Variants in TUBA1B observed in about 807,000 individuals in gnomAD.
The protein encoded by TUBA1B is tubulin alpha-1B chain.
In TUBA1B, 1 loss-of-function variant was observed where a neutral mutation model predicts 34.4. The observed-to-expected ratio is 0.03, with a 90% CI of 0.01 to 0.14. TUBA1B has a LOEUF of 0.14. Among genes scored for constraint, TUBA1B ranks in the 10% least tolerant of loss-of-function variants. The probability of loss-of-function intolerance (pLI) is 1.00; values close to 1 mark genes in which losing one functional copy is unlikely to be tolerated. For missense variants in TUBA1B, 54 were observed against 583.6 expected (o/e 0.09, Z 9.35); for synonymous variants, 197 against 212.5 (o/e 0.93, Z 0.64).
At position 49,127,952 on chromosome 12, in the gene TUBA1B, G is replaced by A. The variant is rs763468080; in HGVS notation, c.*6C>T. On this transcript the variant is annotated 3_prime_UTR_variant, in exon 4 of 4. Transcript: ENST00000336023. The stretch of plus-strand genomic sequence containing the variant: ...GACATGCTGCAGGGCCAAAAGGAAT[G>A]GATAATTAGTATTCCTCTCCTTCTT... The A allele has an allele frequency of 6.2e-7, 1 of 1,614,006 alleles. No individual in the cohort carries two copies. Among genetic ancestry groups the A allele is most frequent in the Non-Finnish European group, 8.5e-7 (1 of 1,179,912 alleles).
chr12:49,130,944 C>G (rs966490671), intron 1 of TUBA1B: 13 of 216,736 alleles, frequency 6.0e-5, no homozygotes, highest in African/African-American at 2.7e-4. Context: ...CGCGTCCACC[C>G]AAGGCGGAGT....
rs144687571 is a variant in TUBA1B, at chr12:49,129,060, C to G, written c.376-122G>C. ...ATGTAAGCACAAGGAATTGGCAAAA[C>G]AGACATATCCACAAACTGTCCATAA... On this transcript the variant is annotated intron_variant, in intron 3 of 3. Coordinates refer to ENST00000336023, the MANE Select transcript of TUBA1B (RefSeq NM_006082.3). 750 of 1,514,380 alleles carry G rather than the reference C, an allele frequency of 5.0e-4. 1 individual carries two copies. In the African/African-American group the frequency reaches 9.1e-3, roughly 18 times the overall value. The allele number at this position is 1,514,380 out of a possible 1,614,324, so 93.8% of individuals were successfully genotyped here. A position where few individuals can be genotyped will look rare whatever the true frequency, so the allele number is the denominator to read the frequency against.
chr12:49,129,380 G>A lies in TUBA1B; in HGVS notation c.237C>T (p.Arg79=). The part of the protein sequence containing the change: ...DLEPTVIDEV[R]TGTYRQLFHP... ...GGAAGAGCTGGCGGTAGGTGCCAGT[G>A]CGAACTTCATCTGGAGGAGGGAGAG... Residue 79 remains arginine (R), a synonymous_variant, in exon 3 of 4, where the codon CGC becomes CGT. Transcript: ENST00000336023. 16 of 1,614,230 alleles carry A rather than the reference G, an allele frequency of 9.9e-6. No individual in the cohort carries two copies. The highest frequency in any genetic ancestry group is 1.4e-5 in the Non-Finnish European group (16 of 1,180,040).
chr12:49,130,398 C>G (rs1294409778), intron 1 of TUBA1B: 1 of 1,280,230 alleles, frequency 7.8e-7, no homozygotes, highest in Admixed American at 2.3e-5. Flanking sequence ...CGCCCCCCGG[C>G]GGTGCTGCAG....
Position 49,129,092 on chromosome 12 carries a change from G to A in TUBA1B, c.375+150C>T, listed in dbSNP as rs1282208840. 24 of 1,547,006 alleles carry A rather than the reference G, an allele frequency of 1.6e-5. No individual in the cohort carries two copies. In the East Asian group the frequency reaches 3.2e-4, roughly 21 times the overall value. ...ATCCACAAACTGTCCATAACCTAGG[G>A]ACTATCTGATTTAGAAGTCCAATTA... is the stretch of plus-strand genomic sequence containing the variant. On this transcript the variant is annotated intron_variant, in intron 3 of 3. Transcript: ENST00000336023.
chr12:49,130,497 A>C, intron 1 of TUBA1B: 7 of 462,804 alleles, frequency 1.5e-5, no homozygotes, highest in South Asian at 8.9e-5. Flanking sequence ...TAACACCTCC[A>C]CAGCAGTCTG....
intron 1 of TUBA1B, chr12:49,130,051 C>T (rs1941784069): frequency 1.7e-6 from 2 of 1,182,374 alleles, no homozygotes; most frequent in Non-Finnish European, 2.2e-6. Flanking sequence ...TCTAAAGATC[C>T]TTTTCTAAGA....
intron 1 of TUBA1B, chr12:49,130,254 G>A: frequency 1.2e-5 from 15 of 1,288,980 alleles, no homozygotes; most frequent in Non-Finnish European, 1.5e-5. Flanking sequence ...TAGACTAGGT[G>A]GTCACATTTC....
At chr12:49,130,358 T>C in intron 1 of TUBA1B, 1 of 1,289,160 alleles carries the variant, frequency 7.8e-7, no homozygotes, top group South Asian at 1.2e-5. Flanking sequence ...CGGCACAGGA[T>C]GAATGAGCAA....
chr12:49,128,958 T>C lies in TUBA1B; in HGVS notation c.376-20A>G. ...GTCAGCCTGTAGGGGAATAAAAAAA[T>C]GTAATATTTTAATGCCAGGACACAT... On this transcript the variant is annotated intron_variant, in intron 3 of 3. Coordinates refer to ENST00000336023, the MANE Select transcript of TUBA1B (RefSeq NM_006082.3). The surrounding 1 kb of genome is among the most constrained non-coding windows in gnomAD (Gnocchi z 8.1). The C allele has an allele frequency of 1.9e-6, 3 of 1,573,254 alleles. No individual in the cohort carries two copies. The highest frequency in any genetic ancestry group is 2.6e-6 in the Non-Finnish European group (3 of 1,163,930).
At chr12:49,130,173 G>C (rs1256326187) in intron 1 of TUBA1B, 1 of 1,239,232 alleles carries the variant, frequency 8.1e-7, no homozygotes, top group Non-Finnish European at 1.0e-6. Flanking sequence ...CTCAGTCACA[G>C]CTTCCTCCTT....
chr12:49,129,930 A>G (rs1476137), intron 1 of TUBA1B: 405,463 of 1,045,978 alleles, frequency 0.39, 85,781 homozygotes, highest in East Asian at 0.71. Context: ...ACAGGCACAG[A>G]CCACCAAGCT....
At chr12:49,129,170 G>A in intron 3 of TUBA1B, 72 bp downstream of exon 3, 1 of 1,610,550 alleles carries the variant, frequency 6.2e-7, no homozygotes, top group Non-Finnish European at 8.5e-7. Flanking sequence ...AATGAATGAT[G>A]TCAGTCACTC....
At chr12:49,130,034 G>C (rs1028053390) in intron 1 of TUBA1B, 3 of 1,161,924 alleles carry the variant, frequency 2.6e-6, no homozygotes, top group Non-Finnish European at 3.4e-6. Context: ...TTTCTAAAGC[G>C]ATCTTTTCTA....
intron 1 of TUBA1B, chr12:49,131,039 G>C (rs543108498): frequency 1.1e-5 from 5 of 462,884 alleles, no homozygotes. Flanking sequence ...CTCCGGATAC[G>C]GCGGAGGGCA....
At chr12:49,129,006 CT>C (rs1289064114) in intron 3 of TUBA1B, 68 bp from the exon 4 acceptor site, 1 of 1,536,740 alleles carries the variant, frequency 6.5e-7, no homozygotes, top group Non-Finnish European at 8.7e-7. Context: ...TCTATTTCAA[CT>C]TTTTAGATTA....
intron 3 of TUBA1B, 37 bp downstream of exon 3, chr12:49,129,205 A>C: frequency 1.2e-6 from 2 of 1,612,704 alleles, no homozygotes; most frequent in Non-Finnish European, 1.7e-6. Context: ...TGGAACTATC[A>C]CACCACATTA....
chr12:49,130,290 C>T, intron 1 of TUBA1B: 3 of 1,289,206 alleles, frequency 2.3e-6, no homozygotes, highest in South Asian at 2.5e-5. Flanking sequence ...ACAGGAAGCA[C>T]GTGGCCAGAC....
rs778751330 is a variant in TUBA1B at position 49,128,474 on chromosome 12, T to C, written c.840A>G (p.Lys280=). The change falls in exon 4 of 4, where the codon AAA becomes AAG. Residue 280 remains lysine (K), a synonymous_variant. Transcript: ENST00000336023. This position sits in a 1 kb window ranked among gnomAD's most constrained non-coding sequence, Gnocchi z 8.1. ...CTACAGAAAGCTGTTCATGGTAGGC[T>C]TTCTCAGCAGAGATGACAGGGGCAT... ...ATYAPVISAE[K]AYHEQLSVAE... is the part of the protein sequence containing the mutation. 1.4e-5 allele frequency: 23 copies of C among 1,613,822 alleles called. No homozygotes were observed. Among genetic ancestry groups the C allele is most frequent in the Non-Finnish European group, 1.9e-5 (23 of 1,180,024 alleles).
Sources: allele counts gnomAD v4.1 joint callset, GRCh38; gene constraint gnomAD v4.1.1; non-coding constraint Gnocchi (gnomAD v3.1); transcripts MANE v1.5; gene names NCBI Gene and HGNC (gene_info 2026-07-23, HGNC 2026-07-21).